Variants in DNAH12 observed in about 807,000 individuals in gnomAD.
DNAH12 encodes the protein dynein axonemal heavy chain 12.
DNAH12 carries 285 observed loss-of-function variants against 371.5 expected under a neutral mutation model. The ratio of observed to expected loss-of-function variants is 0.77; its 90% confidence interval spans 0.70 to 0.85. The LOEUF (loss-of-function observed/expected upper bound fraction) is 0.85. Among genes scored for constraint, DNAH12 ranks in the 40% least tolerant of loss-of-function variants. The probability of loss-of-function intolerance (pLI) is 0.00; values close to 1 mark genes in which losing one functional copy is unlikely to be tolerated. For missense variants in DNAH12, 3,611 were observed against 3,689.4 expected, an observed-to-expected ratio of 0.98 and a Z score of 0.55; for synonymous variants, 1,200 against 1,213.0, an observed-to-expected ratio of 0.99 and a Z score of 0.22.
Position 57,352,178 on chromosome 3 carries a change from T to A in DNAH12, c.9581A>T (p.His3194Leu). The A allele has an allele frequency of 6.5e-7, 1 of 1,542,282 alleles. No individual in the cohort carries two copies. The highest frequency in any genetic ancestry group is 8.7e-7 in the Non-Finnish European group (1 of 1,144,712). The change falls in exon 60 of 74, where the codon CAC (histidine) becomes CTC (leucine). Residue 3194 changes from histidine to leucine, a missense_variant. By Grantham distance (99) the His-to-Leu change is moderately conservative. Transcript: ENST00000495027. The part of the protein sequence containing the change: ...LEKRLRYLND[H>L]FTYNLYCNIC... ...ATTACAATATAAGTTGTATGTGAAG[T>A]GGTCATTTAAATATCGTAGGCGCTT...
intron 29 of DNAH12, among the ~76,000 whole-genome samples, chr3:57,441,662 C>T (rs752871920): frequency 1.6e-4 from 24 of 151,922 alleles, no homozygotes; most frequent in Non-Finnish European, 2.8e-4. Context: ...TGTGGTGGCA[C>T]GCGCCCATAA....
At chr3:57,371,620 T>C (rs1303262757) in intron 55 of DNAH12, among the ~76,000 whole-genome samples, 1 of 151,126 alleles carries the variant, frequency 6.6e-6, no homozygotes, top group Non-Finnish European at 1.5e-5. Flanking sequence ...ATGATTGCAC[T>C]ACTACACTCC....
At chr3:57,400,067 T>C (rs946373684) in intron 43 of DNAH12, among the ~76,000 whole-genome samples, 1 of 152,252 alleles carries the variant, frequency 6.6e-6, no homozygotes, top group Admixed American at 6.5e-5. Context: ...GGCAGGAGGA[T>C]TGCTTGAGCT....
intron 69 of DNAH12, among the ~76,000 whole-genome samples, chr3:57,302,623 T>C (rs1461520388): frequency 7.6e-6 from 1 of 132,050 alleles, no homozygotes. Flanking sequence ...TTGCCCAGGC[T>C]GGAGTGCAGC....
intron 58 of DNAH12, among the ~76,000 whole-genome samples, chr3:57,358,013 T>C (rs1000631559): frequency 6.6e-5 from 10 of 152,246 alleles, no homozygotes; most frequent in Non-Finnish European, 1.0e-4. Context: ...GATAGGTTGA[T>C]ATTCTATAGA....
intron 11 of DNAH12, chr3:57,498,399 C>G: frequency 1.5e-6 from 1 of 686,364 alleles, no homozygotes; most frequent in South Asian, 1.6e-5. Flanking sequence ...TCACTGCAGA[C>G]TCGAACTCCT....
chr3:57,502,292 A>G lies in DNAH12; in HGVS notation c.1243+31T>C, dbSNP rs747234870. On this transcript the variant is annotated intron_variant, in intron 10 of 73. Transcript: ENST00000495027. ...TTCTAGCACAAATAAAGTGATGACA[A>G]ATGGTATAATATTATGTATGTCATA... 2.5e-6 allele frequency: 4 copies of G among 1,606,980 alleles called. No individual in the cohort carries two copies. The African/African-American group carries it at 5.3e-5, about 21-fold the overall frequency.
At chr3:57,528,870 G>A (rs535437191) in intron 2 of DNAH12, among the ~76,000 whole-genome samples, 4 of 151,304 alleles carry the variant, frequency 2.6e-5, no homozygotes, top group East Asian at 3.9e-4. Context: ...CATGATCTTC[G>A]CTCACTGTAA....
Position 57,453,242 on chromosome 3 carries a change from C to A in DNAH12, c.3613+5G>T. 1 of 1,524,248 alleles carries A rather than the reference C, an allele frequency of 6.6e-7. No homozygotes were observed. The highest frequency in any genetic ancestry group is 8.8e-7 in the Non-Finnish European group (1 of 1,140,064). 94.4% of individuals were successfully genotyped at this position (1,524,248 alleles called of 1,614,324 possible). On this transcript the variant is annotated splice_donor_5th_base_variant and intron_variant, in intron 24 of 73. Transcript: ENST00000495027. ...TCTTTAAAAATTAAAGAAAAAGTCA[C>A]ATACCCATTTTAATCATGTCCATGA...
intron 11 of DNAH12, among the ~76,000 whole-genome samples, chr3:57,499,997 G>C (rs2067477469): frequency 6.6e-6 from 1 of 151,266 alleles, no homozygotes; most frequent in Non-Finnish European, 1.5e-5. Flanking sequence ...GAGGAGGTAG[G>C]AATCTTTTTT....
chr3:57,549,515 A>AT, the DNAH12 span, among the ~76,000 whole-genome samples: 51 of 151,958 alleles, frequency 3.4e-4, no homozygotes, highest in African/African-American at 1.2e-3. Context: ...AGACCCAAAA[A>AT]ATTTTTTTAA....
At chr3:57,499,644 AAAAAT>A (rs1461379923) in intron 11 of DNAH12, among the ~76,000 whole-genome samples, 15 of 40,758 alleles carry the variant, frequency 3.7e-4, no homozygotes, top group African/African-American at 5.8e-4. Context: ...AAAAAAAAAA[AAAAAT>A]ATATATATAT....
At chr3:57,499,199 T>A (rs114835564) in intron 11 of DNAH12, among the ~76,000 whole-genome samples, 1 of 152,130 alleles carries the variant, frequency 6.6e-6, no homozygotes, top group Non-Finnish European at 1.5e-5. Context: ...GTCAGCAGTT[T>A]CCTGAGGTCA....
At position 57,444,812 on chromosome 3, in the gene DNAH12, A is replaced by G; in HGVS notation, c.4430T>C (p.Leu1477Pro). The change falls in exon 29 of 74, where the codon CTT becomes CCT. Residue 1477 changes from leucine to proline, a missense_variant. By Grantham distance (98) the Leu-to-Pro change is moderately conservative. Transcript: ENST00000495027. Reference sequence around the variant, plus strand: ...TTCATTTACATCTTTAATTGATCGAAGAAGCTAAAATTACCCAAAAAGTAC... The same window carrying G: ...TTCATTTACATCTTTAATTGATCGAGGAAGCTAAAATTACCCAAAAAGTAC... ...YPNENEDILL[L>P]RSIKDVNEPK... 7 of 1,541,528 alleles carry G rather than the reference A, an allele frequency of 4.5e-6. No individual in the cohort carries two copies. The highest frequency in any genetic ancestry group is 6.1e-6 in the Non-Finnish European group (7 of 1,143,252).
intron 69 of DNAH12, among the ~76,000 whole-genome samples, chr3:57,307,999 G>GTGTTCCATCTGC (rs2061507475): frequency 2.0e-5 from 3 of 152,128 alleles, no homozygotes; most frequent in African/African-American, 7.2e-5. Context: ...TAACTTCTCA[G>GTGTTCCATCTGC]TGTTCCATCT....
intron 34 of DNAH12, among the ~76,000 whole-genome samples, chr3:57,427,978 G>A (rs1350663402): frequency 2.0e-5 from 3 of 151,912 alleles, no homozygotes; most frequent in African/African-American, 7.3e-5. Flanking sequence ...GCCCAGGCTG[G>A]AGTGCAGTGG....
chr3:57,336,820 A>G (rs1376387833), intron 60 of DNAH12, among the ~76,000 whole-genome samples: 1 of 152,250 alleles, frequency 6.6e-6, no homozygotes, highest in Non-Finnish European at 1.5e-5. Context: ...GACTGAGGTC[A>G]TATGGCTAAC....
chr3:57,450,659 T>A (rs1199475916), intron 25 of DNAH12, among the ~76,000 whole-genome samples: 1 of 152,228 alleles, frequency 6.6e-6, no homozygotes, highest in African/African-American at 2.4e-5. Context: ...GACATCCTAT[T>A]TTGAAATTCA....
At chr3:57,535,155 G>C (rs537333601) in intron 2 of DNAH12, among the ~76,000 whole-genome samples, 1 of 152,162 alleles carries the variant, frequency 6.6e-6, no homozygotes. Context: ...CTGATTGATG[G>C]CAGAGCCTAT....
Sources: gnomAD v4.1 joint callset for allele counts (sites outside exome capture counted in the v4.1 genomes callset) on GRCh38, gnomAD v4.1.1 for gene constraint, MANE v1.5 for transcripts, NCBI Gene and HGNC (gene_info 2026-07-23, HGNC 2026-07-21) for gene names.